Variants in GLI3 observed in about 807,000 individuals in gnomAD.
The protein encoded by GLI3 is GLI family zinc finger 3.
In GLI3, 20 loss-of-function variants were observed where a neutral mutation model predicts 100.8. That is an observed-to-expected ratio of 0.20 (90% CI 0.14 to 0.29). The LOEUF is 0.29. GLI3 is among the 10% of genes least tolerant of loss of function. GLI3 has a pLI of 1.00. For missense variants in GLI3, 2,040 were observed against 2,128.5 expected (o/e 0.96, Z 0.82); for synonymous variants, 938 against 860.5 (o/e 1.09, Z -1.58).
At chr7:42,018,160 G>A (rs560374318) in intron 10 of GLI3, among the ~76,000 whole-genome samples, 1 of 152,272 alleles carries the variant, frequency 6.6e-6, no homozygotes, top group South Asian at 2.1e-4. Flanking sequence ...ATTTCTGCAG[G>A]TGCAATTTAG....
chr7:42,048,437 G>C, intron 5 of GLI3, 54 bp downstream of exon 5: 1 of 1,157,040 alleles, frequency 8.6e-7, no homozygotes, highest in Non-Finnish European at 1.3e-6. Context: ...TCCCGAGTGA[G>C]GAGCGGGGAG....
intron 2 of GLI3, among the ~76,000 whole-genome samples, chr7:42,216,305 A>G (rs1415105573): frequency 6.6e-6 from 1 of 152,232 alleles, no homozygotes; most frequent in African/African-American, 2.4e-5. Context: ...ACTCTCAAGA[A>G]GTTTAACTAA....
intron 2 of GLI3, among the ~76,000 whole-genome samples, chr7:42,150,714 A>C (rs1786837431): frequency 1.3e-5 from 2 of 152,212 alleles, no homozygotes; most frequent in Admixed American, 1.3e-4. Context: ...TCCTTGACTT[A>C]ATTGTCCTAG....
At chr7:42,008,450 T>C (rs1583783995) in intron 10 of GLI3, among the ~76,000 whole-genome samples, 1 of 152,204 alleles carries the variant, frequency 6.6e-6, no homozygotes, top group Non-Finnish European at 1.5e-5. Flanking sequence ...GGTTCTTCTT[T>C]ATTTTTTCAG....
chr7:42,197,794 C>T (rs1787958556), intron 2 of GLI3, among the ~76,000 whole-genome samples: 1 of 152,204 alleles, frequency 6.6e-6, no homozygotes, highest in Non-Finnish European at 1.5e-5. Flanking sequence ...CTGGGCGTCA[C>T]AGCAGCTGTG....
At position 41,999,325 on chromosome 7, in the gene GLI3, T is replaced by C. The variant is rs539168378; in HGVS notation, c.1498-20577A>G. ...GCACCCTCACAGAGCAGCGTAGTCT[T>C]GACTTATGCAATGTGGCCTTTGGAC... On this transcript the variant is annotated intron_variant, in intron 10 of 14. Coordinates refer to ENST00000395925, the MANE Select transcript of GLI3 (RefSeq NM_000168.6). 1.1e-4 allele frequency among the ~76,000 whole-genome samples: 16 copies of C among 152,234 alleles called. No homozygotes were observed. In the East Asian group the frequency reaches 3.1e-3, roughly 29 times the overall value.
intron 2 of GLI3, among the ~76,000 whole-genome samples, chr7:42,157,037 G>A (rs973207680): frequency 7.9e-5 from 12 of 152,302 alleles, no homozygotes; most frequent in South Asian, 4.1e-4. Context: ...GGAATCAGGC[G>A]CTCCTGGAGA....
intron 7 of GLI3, among the ~76,000 whole-genome samples, chr7:42,027,048 G>T (rs552271886): frequency 6.6e-6 from 1 of 152,292 alleles, no homozygotes; most frequent in Non-Finnish European, 1.5e-5. Flanking sequence ...TATTCCAGTG[G>T]GAGAGCACTG....
At position 42,140,160 on chromosome 7, in the gene GLI3, C is replaced by T. The variant is rs373948001; in HGVS notation, c.367+8066G>A. ...TTCAGATATCACCTCCTCCGGGAGG[C>T]CTTCTGGACTGCCAAGGCTGGGTAA... On this transcript the variant is annotated intron_variant, in intron 3 of 14. Transcript: ENST00000395925. Among the ~76,000 whole-genome samples the T allele has an allele frequency of 1.9e-3, 291 of 152,338 alleles. 2 individuals are homozygous for T. The highest frequency in any genetic ancestry group is 3.7e-3 in the Non-Finnish European group (249 of 68,032).
At chr7:42,138,248 A>G (rs932379483) in intron 3 of GLI3, among the ~76,000 whole-genome samples, 1 of 152,226 alleles carries the variant, frequency 6.6e-6, no homozygotes, top group Non-Finnish European at 1.5e-5. Context: ...CAGTGTTATC[A>G]GAAGGACTGA....
chr7:42,212,084 C>T (rs1177444474), intron 2 of GLI3, among the ~76,000 whole-genome samples: 1 of 152,194 alleles, frequency 6.6e-6, no homozygotes, highest in African/African-American at 2.4e-5. Flanking sequence ...CAGAAAGAGA[C>T]ATCTCGCTCT....
chr7:41,986,600 T>A (rs1412401138), intron 10 of GLI3, among the ~76,000 whole-genome samples: 1 of 152,204 alleles, frequency 6.6e-6, no homozygotes, highest in Non-Finnish European at 1.5e-5. Flanking sequence ...AGATAAATAC[T>A]GCATGATTCC....
rs915844452 is a variant in GLI3 at position 42,098,830 on chromosome 7, T to C, written c.368-21973A>G. 2.0e-5 allele frequency among the ~76,000 whole-genome samples: 3 copies of C among 152,122 alleles called. No individual in the cohort carries two copies. The South Asian group carries it at 6.2e-4, about 32-fold the overall frequency. On this transcript the variant is annotated intron_variant, in intron 3 of 14. Transcript: ENST00000395925. ...AGTATAGAACTCTCTTTATCCTGCT[T>C]GGGTACAGAGAGGATAGGTCGCAAA...
intron 10 of GLI3, among the ~76,000 whole-genome samples, chr7:41,995,409 C>T (rs932235794): frequency 6.6e-6 from 1 of 152,114 alleles, no homozygotes; most frequent in Non-Finnish European, 1.5e-5. Context: ...TCTGCCTGGC[C>T]TGCTTGTCCG....
chr7:42,186,412 A>C (rs1197680421), intron 2 of GLI3, among the ~76,000 whole-genome samples: 1 of 152,224 alleles, frequency 6.6e-6, no homozygotes, highest in African/African-American at 2.4e-5. Context: ...ACTCACAGAA[A>C]GAATAATGAC....
intron 4 of GLI3, among the ~76,000 whole-genome samples, chr7:42,069,531 G>A (rs1398629150): frequency 1.3e-5 from 2 of 152,198 alleles, no homozygotes; most frequent in South Asian, 4.1e-4. Flanking sequence ...CAAATAATAA[G>A]ACATTTATTT....
intron 1 of GLI3, among the ~76,000 whole-genome samples, chr7:42,244,171 C>A (rs1215332722): frequency 2.6e-5 from 4 of 152,160 alleles, no homozygotes; most frequent in Admixed American, 1.3e-4. Flanking sequence ...TATACAAAGG[C>A]ACCAGATTAT....
chr7:42,020,889 C>CAAAAAAAAA (rs371389453), intron 10 of GLI3, among the ~76,000 whole-genome samples: 4 of 113,114 alleles, frequency 3.5e-5, no homozygotes, highest in African/African-American at 1.4e-4. Flanking sequence ...GACTCCGTCT[C>CAAAAAAAAA]AAAAAAAAAA....
At chr7:42,260,939 G>A (rs1583679786) in intron 1 of GLI3, among the ~76,000 whole-genome samples, 1 of 152,108 alleles carries the variant, frequency 6.6e-6, no homozygotes, top group Non-Finnish European at 1.5e-5. Context: ...ATACGTTCAG[G>A]CAACTACAAG....
Sources: allele counts gnomAD v4.1 joint callset (sites outside exome capture counted in the v4.1 genomes callset), GRCh38; gene constraint gnomAD v4.1.1; transcripts MANE v1.5; gene names NCBI Gene and HGNC (gene_info 2026-07-23, HGNC 2026-07-21).